Variants in NELL2 observed in about 807,000 individuals in gnomAD.
NELL2 encodes protein kinase C-binding protein NELL2.
NELL2 carries 41 observed loss-of-function variants against 109.6 expected under a neutral mutation model. That is an observed-to-expected ratio of 0.37 (90% CI 0.29 to 0.49). The LOEUF is 0.49. Among genes scored for constraint, NELL2 ranks in the 20% least tolerant of loss-of-function variants. NELL2 has a pLI of 0.98. For missense variants in NELL2, 900 were observed against 1,008.3 expected (o/e 0.89, Z 1.45); for synonymous variants, 355 against 344.7 (o/e 1.03, Z -0.33).
rs1592062800 is a variant in NELL2 at position 44,521,945 on chromosome 12, C to T, written c.2175+55G>A. 4.4e-6 allele frequency: 7 copies of T among 1,583,416 alleles called. No homozygotes were observed. In the East Asian group the frequency reaches 1.3e-4, roughly 30 times the overall value. ...GCAGATGGGGAGGACGAGGTTGCTT[C>T]TCTATTTAGATTCTGGGCCTAAATT... On this transcript the variant is annotated intron_variant, in intron 18 of 19. Transcript: ENST00000429094.
chr12:44,793,150 C>T (rs1942494247), intron 3 of NELL2, among the ~76,000 whole-genome samples: 1 of 151,894 alleles, frequency 6.6e-6, no homozygotes, highest in African/African-American at 2.4e-5. Context: ...TGTGTCCGTA[C>T]ATATATAACA....
At chr12:44,523,225 A>G (rs1941617097) in intron 17 of NELL2, 66 bp downstream of exon 17, 2 of 1,518,348 alleles carry the variant, frequency 1.3e-6, no homozygotes, top group African/African-American at 1.4e-5. Flanking sequence ...CAAGCCATAT[A>G]CACACTTAAA....
At chr12:44,771,261 C>A (rs558242997) in intron 9 of NELL2, among the ~76,000 whole-genome samples, 1 of 151,900 alleles carries the variant, frequency 6.6e-6, no homozygotes, top group East Asian at 1.9e-4. Context: ...TAAGACTCAA[C>A]CAGGATTCCA....
At chr12:44,553,011 T>A (rs1489979537) in intron 15 of NELL2, among the ~76,000 whole-genome samples, 1 of 150,374 alleles carries the variant, frequency 6.7e-6, no homozygotes, top group Non-Finnish European at 1.5e-5. Context: ...CAGTAAACTA[T>A]CGCAAGAACA....
chr12:44,734,094 C>A (rs138883018), intron 9 of NELL2, among the ~76,000 whole-genome samples: 3 of 151,986 alleles, frequency 2.0e-5, no homozygotes, highest in Admixed American at 6.6e-5. Flanking sequence ...TCAATTACTA[C>A]AACTTTACTC....
intron 2 of NELL2, among the ~76,000 whole-genome samples, chr12:44,829,909 A>T (rs1005242166): frequency 6.6e-5 from 10 of 152,208 alleles, no homozygotes; most frequent in African/African-American, 2.4e-4. Flanking sequence ...TGAAAGCTGA[A>T]TCACAAGGCT....
chr12:44,656,787 C>G (rs955293182), intron 13 of NELL2, among the ~76,000 whole-genome samples: 6 of 152,048 alleles, frequency 3.9e-5, no homozygotes, highest in Non-Finnish European at 7.3e-5. Context: ...CATGCACACA[C>G]GATAAATTAT....
intron 19 of NELL2, among the ~76,000 whole-genome samples, chr12:44,511,813 T>C (rs1416416432): frequency 1.3e-5 from 2 of 152,032 alleles, no homozygotes; most frequent in African/African-American, 4.8e-5. Flanking sequence ...TCACCACCTA[T>C]AAAAAATCAA....
At chr12:44,857,626 A>G (rs1157911435) in intron 2 of NELL2, among the ~76,000 whole-genome samples, 2 of 152,200 alleles carry the variant, frequency 1.3e-5, no homozygotes. Context: ...CAGAACTTCT[A>G]AAACTTATCC....
chr12:44,665,497 A>G lies in NELL2; in HGVS notation c.1431T>C (p.Asp477=). Reference sequence around the variant, plus strand: ...GCCACCGTTTACCTGTACATGAATAATCATCAATTCTGATGTATCCAGTTT... The same window carrying G: ...GCCACCGTTTACCTGTACATGAATAGTCATCAATTCTGATGTATCCAGTTT... ...ICKTGYIRID[D]YSCTEHDECI... The change falls in exon 13 of 20, where the codon GAT becomes GAC. Residue 477 remains aspartate (D), a synonymous_variant. Transcript: ENST00000429094. 2 of 1,612,214 alleles carry G rather than the reference A, an allele frequency of 1.2e-6. No homozygotes were observed. The highest frequency in any genetic ancestry group is 1.7e-6 in the Non-Finnish European group (2 of 1,178,770).
chr12:44,869,662 A>G (rs1338160095), intron 2 of NELL2, among the ~76,000 whole-genome samples: 1 of 152,152 alleles, frequency 6.6e-6, no homozygotes, highest in Non-Finnish European at 1.5e-5. Flanking sequence ...CTCTGCTGAA[A>G]TGGTTGAGGG....
chr12:44,641,453 A>G (rs989325867), intron 13 of NELL2, among the ~76,000 whole-genome samples: 1 of 152,176 alleles, frequency 6.6e-6, no homozygotes, highest in African/African-American at 2.4e-5. Context: ...CATAAAGCCA[A>G]TCTTACCTGA....
At chr12:44,598,879 A>T (rs1366387585) in intron 15 of NELL2, among the ~76,000 whole-genome samples, 6 of 148,958 alleles carry the variant, frequency 4.0e-5, no homozygotes, top group African/African-American at 1.2e-4. Context: ...ACACACACAC[A>T]CACACTCTCT....
chr12:44,712,993 C>T (rs1033755849), intron 10 of NELL2, among the ~76,000 whole-genome samples: 1 of 151,824 alleles, frequency 6.6e-6, no homozygotes, highest in Non-Finnish European at 1.5e-5. Context: ...GTAACATTCA[C>T]TCATTTATCT....
chr12:44,764,950 C>T (rs1383107494), intron 9 of NELL2, among the ~76,000 whole-genome samples: 2 of 152,136 alleles, frequency 1.3e-5, no homozygotes, highest in East Asian at 3.9e-4. Context: ...CATGAACCAG[C>T]AGTGTTTGCC....
chr12:44,737,799 T>G (rs1263173119), intron 9 of NELL2, among the ~76,000 whole-genome samples: 1 of 151,966 alleles, frequency 6.6e-6, no homozygotes, highest in Non-Finnish European at 1.5e-5. Context: ...TCCCCTGGTA[T>G]CCAACCAAGA....
At chr12:44,860,028 T>C (rs1216525464) in intron 2 of NELL2, among the ~76,000 whole-genome samples, 2 of 152,158 alleles carry the variant, frequency 1.3e-5, no homozygotes, top group Admixed American at 1.3e-4. Context: ...CACATCCAGA[T>C]TAACATTTTG....
chr12:44,886,176 C>T (rs1945472000), intron 1 of NELL2, among the ~76,000 whole-genome samples: 1 of 151,440 alleles, frequency 6.6e-6, no homozygotes. Flanking sequence ...TCTTATCTTG[C>T]ATCATACACA....
At chr12:44,838,715 A>G (rs1024491512) in intron 2 of NELL2, among the ~76,000 whole-genome samples, 22 of 147,512 alleles carry the variant, frequency 1.5e-4, no homozygotes, top group African/African-American at 5.3e-4. Flanking sequence ...TAAATAGCCC[A>G]GCCCTCAATG....
Sources: gnomAD v4.1 joint callset for allele counts (sites outside exome capture counted in the v4.1 genomes callset) on GRCh38, gnomAD v4.1.1 for gene constraint, MANE v1.5 for transcripts, NCBI Gene and HGNC (gene_info 2026-07-23, HGNC 2026-07-21) for gene names.